RNF4: variants seen among roughly 807,000 people sequenced by gnomAD.
RNF4 encodes E3 ubiquitin-protein ligase RNF4.
Under a neutral mutation model 24.3 loss-of-function variants are expected in RNF4, and 7 were observed. That is an observed-to-expected ratio of 0.29 (90% CI 0.16 to 0.54). RNF4 has a LOEUF of 0.54. Ranked by LOEUF, RNF4 falls within the 20% of genes least tolerant of loss-of-function variation. The pLI, the probability that RNF4 is intolerant of heterozygous loss-of-function variation, is 0.95. For missense variants in RNF4, 209 were observed against 248.5 expected (o/e 0.84, Z 1.07); for synonymous variants, 83 against 84.3 (o/e 0.98, Z 0.09).
At position 2,514,799 on chromosome 4, in the gene RNF4, G is replaced by A. The variant is rs539771451; in HGVS notation, c.*980G>A. ...CCGCTCAGTTCCAGGCTTTTGCCCA[G>A]GTCACTGTTGCCCCATGTTCGGAGA... is the stretch of plus-strand genomic sequence containing the variant. On this transcript the variant is annotated 3_prime_UTR_variant, in exon 8 of 8. Transcript: ENST00000314289. The A allele has an allele frequency of 2.6e-5, 4 of 152,778 alleles. No homozygotes were observed. Among genetic ancestry groups the A allele is most frequent in the African/African-American group, 4.8e-5 (2 of 41,554 alleles). The allele number at this position is 152,778 out of a possible 1,614,324, so 9.5% of individuals were successfully genotyped here.
At chr4:2,477,121 C>G (rs772886049) in intron 1 of RNF4, among the ~76,000 whole-genome samples, 3 of 152,170 alleles carry the variant, frequency 2.0e-5, no homozygotes, top group East Asian at 1.9e-4. Flanking sequence ...CCTCTTGCCT[C>G]AGTGTCCCAA....
At chr4:2,472,690 G>A (rs1166121673) in intron 1 of RNF4, among the ~76,000 whole-genome samples, 2 of 151,498 alleles carry the variant, frequency 1.3e-5, no homozygotes, top group Admixed American at 6.6e-5. Context: ...TCTTCTGATG[G>A]GTATCAACAA....
At chr4:2,486,866 G>C (rs996505988) in intron 1 of RNF4, among the ~76,000 whole-genome samples, 1 of 152,202 alleles carries the variant, frequency 6.6e-6, no homozygotes, top group Non-Finnish European at 1.5e-5. Flanking sequence ...CTATTGATGT[G>C]GCGGGGAGAA....
intron 1 of RNF4, among the ~76,000 whole-genome samples, chr4:2,475,494 A>G (rs1735044093): frequency 6.6e-6 from 1 of 151,966 alleles, no homozygotes. Flanking sequence ...ACGTGCCACC[A>G]TGCCCAGCTA....
intron 2 of RNF4, among the ~76,000 whole-genome samples, chr4:2,493,032 G>A (rs550008284): frequency 7.9e-5 from 12 of 152,308 alleles, no homozygotes; most frequent in South Asian, 6.2e-4. Context: ...TAGTGAAAAG[G>A]AAGAGAATTA....
intron 4 of RNF4, chr4:2,506,413 C>G (rs933078957): frequency 6.6e-6 from 1 of 152,146 alleles, no homozygotes. Context: ...AACTCCTGGC[C>G]TCAAGTGATA....
chr4:2,474,565 T>G (rs1023836158), intron 1 of RNF4, among the ~76,000 whole-genome samples: 3 of 152,178 alleles, frequency 2.0e-5, no homozygotes, highest in African/African-American at 4.8e-5. Context: ...ATTTAGAATA[T>G]TTTATAAACT....
Position 2,515,724 on chromosome 4 carries a change from T to C in RNF4, c.*1905T>C, listed in dbSNP as rs1736397511. ...CTAGGGAAAGGTTGGTATGAAGAAA[T>C]GTCTTTCCTTTTTTCAATGTACATA... On this transcript the variant is annotated 3_prime_UTR_variant, in exon 8 of 8. Coordinates refer to ENST00000314289, the MANE Select transcript of RNF4 (RefSeq NM_002938.5). 1 of 152,618 alleles carries C rather than the reference T, an allele frequency of 6.6e-6. No homozygotes were observed. Among genetic ancestry groups the C allele is most frequent in the African/African-American group, 2.4e-5 (1 of 41,448 alleles). The allele number at this position is 152,618 out of a possible 1,614,324, so 9.5% of individuals were successfully genotyped here. A position where few individuals can be genotyped will look rare whatever the true frequency, so the allele number is the denominator to read the frequency against.
chr4:2,494,615 T>C (rs1735680784), intron 2 of RNF4: 1 of 151,788 alleles, frequency 6.6e-6, no homozygotes, highest in Admixed American at 6.6e-5. Context: ...CTTCTGACCT[T>C]GTGATCCGCC....
At chr4:2,495,478 C>A (rs946102178) in intron 2 of RNF4, among the ~76,000 whole-genome samples, 1 of 152,182 alleles carries the variant, frequency 6.6e-6, no homozygotes, top group African/African-American at 2.4e-5. Flanking sequence ...TATAACAGCT[C>A]TGCAAGGCTG....
chr4:2,512,527 A>G lies in RNF4; in HGVS notation c.304A>G (p.Arg102Gly), dbSNP rs1323628059. 1 of 1,613,954 alleles carries G rather than the reference A, an allele frequency of 6.2e-7. No individual in the cohort carries two copies. The highest frequency in any genetic ancestry group is 8.5e-7 in the Non-Finnish European group (1 of 1,179,832). The change falls in exon 6 of 8, where the codon AGG becomes GGG. Residue 102 changes from arginine to glycine, a missense_variant. This residue lies in a region of RNF4 where 182 missense variants were observed against 197.2 expected (regional missense o/e 0.92). Coordinates refer to ENST00000314289, the MANE Select transcript of RNF4 (RefSeq NM_002938.5). The surrounding 1 kb of genome is among the most constrained non-coding windows in gnomAD (Gnocchi z 4.1). ...GAGCAGTGACGATGAGGAGTTGTCC[A>G]GGGACAGAGACGTATATGTGACTAC... is the stretch of plus-strand genomic sequence containing the variant. ...VVSSDDEELS[R>G]DRDVYVTTHT...
At position 2,514,991 on chromosome 4, in the gene RNF4, C is replaced by A; in HGVS notation, c.*1172C>A. 1 of 152,518 alleles carries A rather than the reference C, an allele frequency of 6.6e-6. No individual in the cohort carries two copies. The highest frequency in any genetic ancestry group is 1.5e-5 in the Non-Finnish European group (1 of 68,080). 9.4% of individuals were successfully genotyped at this position (152,518 alleles called of 1,614,324 possible). A position where few individuals can be genotyped will look rare whatever the true frequency, so the allele number is the denominator to read the frequency against. Reference sequence around the variant, plus strand: ...CAACCTCTCCTTCGCTCCACAGGTACGCGGGAGCCTCAGGTTCTCTCAGGG... The same window carrying A: ...CAACCTCTCCTTCGCTCCACAGGTAAGCGGGAGCCTCAGGTTCTCTCAGGG... On this transcript the variant is annotated 3_prime_UTR_variant, in exon 8 of 8. Transcript: ENST00000314289.
rs183867406 is a variant in RNF4, at chr4:2,477,992, G to A, written c.-158+8734G>A. On this transcript the variant is annotated intron_variant, in intron 1 of 7. Transcript: ENST00000314289. ...GTTGAATGGCTTTGACCAAAATGTTGATAAGGATATGGACAATGAAATCCA... is the reference window on the plus strand; with the variant it reads ...GTTGAATGGCTTTGACCAAAATGTTAATAAGGATATGGACAATGAAATCCA... Among the ~76,000 whole-genome samples, 10 of 152,288 alleles carry A rather than the reference G, an allele frequency of 6.6e-5. No individual in the cohort carries two copies. In the East Asian group the frequency reaches 1.7e-3, roughly 26 times the overall value.
At chr4:2,508,265 C>G (rs964331139) in intron 4 of RNF4, among the ~76,000 whole-genome samples, 5 of 152,194 alleles carry the variant, frequency 3.3e-5, no homozygotes, top group African/African-American at 4.8e-5. Context: ...ATCTTAAAAG[C>G]CTCTCAAATA....
chr4:2,504,120 T>A (rs1363663061), intron 4 of RNF4, among the ~76,000 whole-genome samples: 1 of 152,206 alleles, frequency 6.6e-6, no homozygotes, highest in Non-Finnish European at 1.5e-5. Context: ...TTCGAAGGAA[T>A]TCAAAGCCCC....
chr4:2,508,848 G>A (rs556240587), intron 4 of RNF4, among the ~76,000 whole-genome samples: 117 of 149,750 alleles, frequency 7.8e-4, no homozygotes, highest in Non-Finnish European at 1.3e-3. Flanking sequence ...CCGACCTCGG[G>A]TGATCTGCCC....
chr4:2,477,540 A>G (rs1002577750), intron 1 of RNF4, among the ~76,000 whole-genome samples: 23 of 152,246 alleles, frequency 1.5e-4, no homozygotes, highest in Non-Finnish European at 2.4e-4. Context: ...AGCCGAGATC[A>G]TGCCACTGCA....
intron 4 of RNF4, among the ~76,000 whole-genome samples, chr4:2,501,498 C>T (rs2108770844): frequency 6.6e-6 from 1 of 152,364 alleles, no homozygotes; most frequent in South Asian, 2.1e-4. Context: ...TATACGTGTC[C>T]TGCCTGCCAG....
chr4:2,506,216 C>T (rs1736096712), intron 4 of RNF4: 1 of 152,284 alleles, frequency 6.6e-6, no homozygotes, highest in South Asian at 2.1e-4. Flanking sequence ...CAGAGTCTCG[C>T]TCTGTCGCCC....
Sources: allele counts gnomAD v4.1 joint callset (sites outside exome capture counted in the v4.1 genomes callset), GRCh38; gene constraint gnomAD v4.1.1; regional missense constraint gnomAD v4.1.1; non-coding constraint Gnocchi (gnomAD v3.1); transcripts MANE v1.5; gene names NCBI Gene and HGNC (gene_info 2026-07-23, HGNC 2026-07-21).